OSBPL10: variants seen among roughly 807,000 people sequenced by gnomAD.
The protein encoded by OSBPL10 is oxysterol binding protein like 10, also known as oxysterol-binding protein-related protein 10.
In OSBPL10, 49 loss-of-function variants were observed where a neutral mutation model predicts 81.7. That is an observed-to-expected ratio of 0.60 (90% confidence interval 0.48 to 0.76). OSBPL10 has a LOEUF of 0.76. Ranked by LOEUF, OSBPL10 falls within the 30% of genes least tolerant of loss-of-function variation. OSBPL10 has a pLI of 0.00. For missense variants in OSBPL10, 923 were observed against 987.8 expected (o/e 0.93, Z 0.88); for synonymous variants, 419 against 383.6 (o/e 1.09, Z -1.08).
intron 1 of OSBPL10, among the ~76,000 whole-genome samples, chr3:31,954,985 A>G (rs1478230421): frequency 6.6e-6 from 1 of 152,228 alleles, no homozygotes; most frequent in Non-Finnish European, 1.5e-5. Context: ...TTACTGTACA[A>G]TTCTTTCAAC....
intron 11 of OSBPL10, 198 bp downstream of exon 11, chr3:31,663,881 A>G: frequency 6.9e-7 from 1 of 1,457,088 alleles, no homozygotes; most frequent in Non-Finnish European, 9.0e-7. Context: ...TGCCCTCCAG[A>G]AGGTTTCATG....
chr3:31,662,472 G>A (rs1700092223), intron 11 of OSBPL10: 2 of 1,041,472 alleles, frequency 1.9e-6, no homozygotes, highest in African/African-American at 3.4e-5. Context: ...GAAAAGGCAA[G>A]GGTGTGCATA....
chr3:31,730,878 G>A (rs1167331588), intron 6 of OSBPL10, among the ~76,000 whole-genome samples: 1 of 152,120 alleles, frequency 6.6e-6, no homozygotes, highest in African/African-American at 2.4e-5. Context: ...TTAGTTACAC[G>A]ACCATAATAA....
chr3:31,997,411 C>T (rs971678123), intron 2 of OSBPL10, among the ~76,000 whole-genome samples: 2 of 151,528 alleles, frequency 1.3e-5, no homozygotes, highest in Non-Finnish European at 2.9e-5. Flanking sequence ...ATTACAAGCA[C>T]GAGCCACCAC....
At chr3:31,920,338 T>TC (rs758204232) in intron 1 of OSBPL10, among the ~76,000 whole-genome samples, 9 of 152,216 alleles carry the variant, frequency 5.9e-5, no homozygotes, top group Non-Finnish European at 1.2e-4. Context: ...AGTCAGGGGA[T>TC]CCTAGGAAAG....
At chr3:32,028,000 G>A (rs1345229134) in intron 2 of OSBPL10, among the ~76,000 whole-genome samples, 2 of 152,184 alleles carry the variant, frequency 1.3e-5, no homozygotes, top group Non-Finnish European at 2.9e-5. Flanking sequence ...TAGCCATTGG[G>A]TTCTGGAAGT....
intron 6 of OSBPL10, among the ~76,000 whole-genome samples, chr3:31,717,866 T>G (rs990135298): frequency 1.1e-4 from 16 of 152,330 alleles, no homozygotes; most frequent in African/African-American, 3.8e-4. Flanking sequence ...ATGCTCTGCT[T>G]TGTCCTGCTC....
chr3:31,967,430 T>C (rs915356494), intron 1 of OSBPL10, among the ~76,000 whole-genome samples: 1 of 151,880 alleles, frequency 6.6e-6, no homozygotes, highest in East Asian at 1.9e-4. Flanking sequence ...CAATGAGCTG[T>C]GATTGCACCA....
intron 1 of OSBPL10, among the ~76,000 whole-genome samples, chr3:31,907,489 T>C (rs1205162982): frequency 1.3e-5 from 2 of 151,620 alleles, no homozygotes; most frequent in Non-Finnish European, 1.5e-5. Flanking sequence ...TAGCCAGGCA[T>C]GGTGGCGGGC....
chr3:31,869,857 C>T (rs186335495), intron 3 of OSBPL10, among the ~76,000 whole-genome samples: 69 of 152,376 alleles, frequency 4.5e-4, no homozygotes, highest in African/African-American at 1.6e-3. Flanking sequence ...ATGAAGCTCA[C>T]ACTAGTATAA....
chr3:31,674,660 T>G (rs1024090653), intron 8 of OSBPL10, among the ~76,000 whole-genome samples: 1 of 152,178 alleles, frequency 6.6e-6, no homozygotes, highest in African/African-American at 2.4e-5. Flanking sequence ...CCCACCTTGC[T>G]TCTGCTCTTG....
intron 4 of OSBPL10, among the ~76,000 whole-genome samples, chr3:31,792,802 C>CTGGG (rs1372493346): frequency 7.3e-6 from 1 of 136,580 alleles, no homozygotes; most frequent in Admixed American, 7.8e-5. Context: ...TCCAGACACA[C>CTGGG]TGGGTGGGTG....
At chr3:31,987,334 T>C (rs1196622892) in intron 2 of OSBPL10, among the ~76,000 whole-genome samples, 1 of 152,246 alleles carries the variant, frequency 6.6e-6, no homozygotes, top group East Asian at 1.9e-4. Context: ...ACTGTCTATA[T>C]GCACCCTAAT....
intron 4 of OSBPL10, among the ~76,000 whole-genome samples, chr3:31,753,936 C>T (rs1902343): frequency 1.3e-5 from 2 of 151,910 alleles, no homozygotes; most frequent in Non-Finnish European, 2.9e-5. Context: ...GTTTTATTAA[C>T]AAATTGTAAG....
chr3:31,924,490 G>A (rs1697014039), intron 1 of OSBPL10, among the ~76,000 whole-genome samples: 1 of 152,090 alleles, frequency 6.6e-6, no homozygotes, highest in Admixed American at 6.5e-5. Context: ...TCCCTCTCAG[G>A]TAAAATCCTG....
At chr3:31,784,101 G>A (rs1345715720) in intron 4 of OSBPL10, among the ~76,000 whole-genome samples, 1 of 151,472 alleles carries the variant, frequency 6.6e-6, no homozygotes, top group Non-Finnish European at 1.5e-5. Flanking sequence ...CACTTTGGGA[G>A]GCAGAGACAG....
At chr3:31,787,299 G>C (rs1045049001) in intron 4 of OSBPL10, among the ~76,000 whole-genome samples, 1 of 152,148 alleles carries the variant, frequency 6.6e-6, no homozygotes, top group African/African-American at 2.4e-5. Flanking sequence ...ATATATAATG[G>C]ATTCGAAAGA....
At chr3:31,873,311 G>GA (rs886887569) in intron 3 of OSBPL10, among the ~76,000 whole-genome samples, 2 of 151,698 alleles carry the variant, frequency 1.3e-5, no homozygotes, top group African/African-American at 4.8e-5. Flanking sequence ...CATAATTTTT[G>GA]AAAAAAAGAG....
intron 8 of OSBPL10, among the ~76,000 whole-genome samples, chr3:31,674,751 G>A (rs552142626): frequency 1.4e-4 from 22 of 152,300 alleles, no homozygotes; most frequent in South Asian, 6.2e-4. Context: ...AGAAGCAGAT[G>A]CTAGTGCCAT....
Sources: gnomAD v4.1 joint callset for allele counts (sites outside exome capture counted in the v4.1 genomes callset) on GRCh38, gnomAD v4.1.1 for gene constraint, MANE v1.5 for transcripts, NCBI Gene and HGNC (gene_info 2026-07-23, HGNC 2026-07-21) for gene names.